SIL1: variants seen among roughly 807,000 people sequenced by gnomAD.
SIL1 encodes the protein SIL1 nucleotide exchange factor, also known as nucleotide exchange factor SIL1.
In SIL1, 40 loss-of-function variants were observed where a neutral mutation model predicts 49.1. That is an observed-to-expected ratio of 0.81 (90% CI 0.63 to 1.06). The LOEUF is 1.06. Among genes scored for constraint, SIL1 ranks in the 50% least tolerant of loss-of-function variants. The pLI, the probability that SIL1 is intolerant of heterozygous loss-of-function variation, is 0.00. For synonymous variants in SIL1, 253 were observed against 250.8 expected (o/e 1.01, Z -0.08); for missense variants, 500 against 572.6 (o/e 0.87, Z 1.29).
intron 5 of SIL1, among the ~76,000 whole-genome samples, chr5:139,040,867 A>G (rs1053274361): frequency 7.2e-5 from 11 of 152,212 alleles, no homozygotes; most frequent in Non-Finnish European, 1.0e-4. Flanking sequence ...ATAAATATTC[A>G]TACTTTTCTA....
At chr5:139,191,498 A>G (rs912308933) in intron 1 of SIL1, among the ~76,000 whole-genome samples, 2 of 152,138 alleles carry the variant, frequency 1.3e-5, no homozygotes, top group Admixed American at 1.3e-4. Context: ...CCACTGGTAT[A>G]GCTGGGCATG....
intron 7 of SIL1, 165 bp downstream of exon 7, chr5:139,021,005 TA>T: frequency 1.1e-6 from 1 of 916,090 alleles, no homozygotes; most frequent in Non-Finnish European, 1.7e-6. Flanking sequence ...ACAACATGGG[TA>T]AAAATTCCTA....
chr5:139,171,262 G>A (rs1168753711), intron 1 of SIL1, among the ~76,000 whole-genome samples: 1 of 152,204 alleles, frequency 6.6e-6, no homozygotes, highest in African/African-American at 2.4e-5. Flanking sequence ...ATAGAAAGGG[G>A]GGAAAGGTGG....
At chr5:139,182,172 C>T (rs943292383) in intron 1 of SIL1, among the ~76,000 whole-genome samples, 4 of 152,202 alleles carry the variant, frequency 2.6e-5, no homozygotes, top group African/African-American at 9.7e-5. Flanking sequence ...ACACGCTGCT[C>T]TCATTGCTTG....
intron 3 of SIL1, among the ~76,000 whole-genome samples, chr5:139,107,608 T>A (rs987758667): frequency 7.2e-5 from 11 of 152,180 alleles, no homozygotes; most frequent in African/African-American, 2.7e-4. Flanking sequence ...CTGTATTTGG[T>A]CGTCAGGTCT....
chr5:139,083,030 G>T (rs1770122856), intron 3 of SIL1, among the ~76,000 whole-genome samples: 1 of 152,184 alleles, frequency 6.6e-6, no homozygotes. Context: ...CCCTGCAGGG[G>T]CTCAAGGATT....
chr5:139,152,309 T>C (rs1419600086), intron 1 of SIL1, among the ~76,000 whole-genome samples: 1 of 152,206 alleles, frequency 6.6e-6, no homozygotes, highest in Non-Finnish European at 1.5e-5. Context: ...TACATCTTGA[T>C]TAAATGTTTA....
At chr5:139,023,522 C>T (rs929945838) in intron 6 of SIL1, among the ~76,000 whole-genome samples, 1 of 152,202 alleles carries the variant, frequency 6.6e-6, no homozygotes, top group Non-Finnish European at 1.5e-5. Context: ...GTAGATGGGG[C>T]GGACGGAGGC....
chr5:139,104,691 T>C (rs1222683728), intron 3 of SIL1, among the ~76,000 whole-genome samples: 2 of 152,206 alleles, frequency 1.3e-5, no homozygotes, highest in African/African-American at 4.8e-5. Context: ...ATCCAGATCC[T>C]TGAGTGGGTT....
chr5:139,180,246 T>G (rs1346554532), intron 1 of SIL1, among the ~76,000 whole-genome samples: 1 of 151,502 alleles, frequency 6.6e-6, no homozygotes, highest in Non-Finnish European at 1.5e-5. Flanking sequence ...CCAGGCATAG[T>G]GGTGTGCACC....
chr5:139,149,340 A>G (rs1208748126), intron 1 of SIL1, among the ~76,000 whole-genome samples: 1 of 152,216 alleles, frequency 6.6e-6, no homozygotes, highest in Admixed American at 6.5e-5. Context: ...GAATAAACCC[A>G]TACTGCCTAC....
intron 3 of SIL1, among the ~76,000 whole-genome samples, chr5:139,103,670 A>G (rs929721444): frequency 9.9e-5 from 15 of 152,180 alleles, no homozygotes; most frequent in African/African-American, 3.4e-4. Context: ...GGTGCAGAGG[A>G]AAGCAAATTC....
intron 3 of SIL1, among the ~76,000 whole-genome samples, chr5:139,056,276 G>A (rs1188586095): frequency 1.3e-5 from 2 of 151,320 alleles, no homozygotes; most frequent in Non-Finnish European, 3.0e-5. Flanking sequence ...GAGCGTCTCT[G>A]CCCGGCCGCC....
At chr5:139,095,573 T>G (rs958872952) in intron 3 of SIL1, among the ~76,000 whole-genome samples, 1 of 152,226 alleles carries the variant, frequency 6.6e-6, no homozygotes, top group Non-Finnish European at 1.5e-5. Flanking sequence ...ATTATTGGAA[T>G]TCTTCTGCAA....
chr5:138,958,878 TAA>T (rs1449007267), intron 7 of SIL1, among the ~76,000 whole-genome samples: 2 of 152,182 alleles, frequency 1.3e-5, no homozygotes, highest in Non-Finnish European at 2.9e-5. Context: ...GCATTCTACC[TAA>T]AAGAAGAGGT....
At chr5:139,037,932 G>A (rs889305036) in intron 5 of SIL1, among the ~76,000 whole-genome samples, 3 of 152,192 alleles carry the variant, frequency 2.0e-5, no homozygotes, top group Non-Finnish European at 4.4e-5. Context: ...TGCTGGGGAA[G>A]TCCAAGATCA....
chr5:138,951,192 G>C lies in SIL1; in HGVS notation c.1008C>G (p.Leu336=), dbSNP rs374076564. 3 of 1,611,432 alleles carry C rather than the reference G, an allele frequency of 1.9e-6. No homozygotes were observed. Among genetic ancestry groups the C allele is most frequent in the Admixed American group, 3.3e-5 (2 of 59,800 alleles). The part of the protein sequence containing the change: ...EVLAVRVVTL[L]YDLVTEKMFA... ...TCACCTTCTCCGTGACCAGGTCGTA[G>C]AGCAGTGTGACCACGCGCACGGCGA... Residue 336 remains leucine (L), a synonymous_variant, in exon 9 of 10, where the codon CTC becomes CTG. Coordinates refer to ENST00000394817, the MANE Select transcript of SIL1 (RefSeq NM_022464.5).
intron 3 of SIL1, among the ~76,000 whole-genome samples, chr5:139,054,835 G>A (rs1434911337): frequency 1.3e-5 from 2 of 152,188 alleles, no homozygotes; most frequent in African/African-American, 4.8e-5. Flanking sequence ...AATACAGGTT[G>A]TGTTCATTTA....
Position 138,947,111 on chromosome 5 carries a change from G to A in SIL1, c.*6C>T. ...CGGCATCCCAGTCCAGTCCTGGTGT[G>A]GGGCCTCATCTCAGCTCCTTCAGCA... On this transcript the variant is annotated 3_prime_UTR_variant, in exon 10 of 10. Transcript: ENST00000394817. The surrounding 1 kb of genome is among the most constrained non-coding windows in gnomAD (Gnocchi z 4.1). The A allele has an allele frequency of 6.2e-7, 1 of 1,608,404 alleles. No individual in the cohort carries two copies. Among genetic ancestry groups the A allele is most frequent in the Non-Finnish European group, 8.5e-7 (1 of 1,176,298 alleles).
Sources: allele counts gnomAD v4.1 joint callset (sites outside exome capture counted in the v4.1 genomes callset), GRCh38; gene constraint gnomAD v4.1.1; non-coding constraint Gnocchi (gnomAD v3.1); transcripts MANE v1.5; gene names NCBI Gene and HGNC (gene_info 2026-07-23, HGNC 2026-07-21).